Variants in DOCK5 observed in about 807,000 individuals in gnomAD.
DOCK5 encodes dedicator of cytokinesis protein 5.
Under a neutral mutation model 251.8 loss-of-function variants are expected in DOCK5, and 142 were observed. The observed-to-expected ratio is 0.56, with a 90% CI of 0.49 to 0.65. The LOEUF is 0.65. Ranked by LOEUF, DOCK5 falls within the 30% of genes least tolerant of loss-of-function variation. The pLI is 0.00. For missense variants in DOCK5, 2,111 were observed against 2,312.3 expected (o/e 0.91, Z 1.79); for synonymous variants, 842 against 835.5 (o/e 1.01, Z -0.13).
At chr8:25,244,821 G>A (rs991572241) in intron 2 of DOCK5, among the ~76,000 whole-genome samples, 3 of 152,150 alleles carry the variant, frequency 2.0e-5, no homozygotes, top group African/African-American at 7.2e-5. Context: ...AGAGGGCTGG[G>A]GTTTCACATT....
intron 28 of DOCK5, 114 bp downstream of exon 28, chr8:25,359,175 C>A (rs549636064): frequency 6.1e-6 from 5 of 825,334 alleles, no homozygotes; most frequent in Non-Finnish European, 1.0e-5. Context: ...ACCTCCGGTG[C>A]TATGTGGCTG....
chr8:25,401,788 C>G (rs1326895425), intron 47 of DOCK5, among the ~76,000 whole-genome samples: 1 of 152,146 alleles, frequency 6.6e-6, no homozygotes, highest in Non-Finnish European at 1.5e-5. Flanking sequence ...ATCCTAGACA[C>G]TGGTTATTCT....
intron 16 of DOCK5, among the ~76,000 whole-genome samples, chr8:25,322,411 A>G (rs964021632): frequency 1.3e-5 from 2 of 152,234 alleles, no homozygotes; most frequent in South Asian, 4.1e-4. Flanking sequence ...GTGAAGGGTG[A>G]TGGGAGAAGT....
Position 25,395,723 on chromosome 8 carries a change from C to T in DOCK5, c.4704+4C>T, listed in dbSNP as rs3763517. 527 of 1,612,678 alleles carry T rather than the reference C, an allele frequency of 3.3e-4. 1 individual carries two copies. In the East Asian group the frequency reaches 8.6e-3, roughly 26 times the overall value. ...GGGCTTCTCCAACTATGAAAAGGTT[C>T]GCTTGGTCCCAGAATCCCCTAGGGA... On this transcript the variant is annotated splice_donor_region_variant and intron_variant, in intron 45 of 51. Coordinates refer to ENST00000276440, the MANE Select transcript of DOCK5 (RefSeq NM_024940.8).
chr8:25,409,927 C>T (rs1043341040), intron 50 of DOCK5, 172 bp from the exon 51 acceptor site: 6 of 582,380 alleles, frequency 1.0e-5, no homozygotes, highest in Non-Finnish European at 1.8e-5. Flanking sequence ...AGGGCGTCAC[C>T]TGTGTGATGT....
chr8:25,391,967 A>T lies in DOCK5; in HGVS notation c.4427A>T (p.Asp1476Val). 1 of 1,613,786 alleles carries T rather than the reference A, an allele frequency of 6.2e-7. No individual in the cohort carries two copies. Among genetic ancestry groups the T allele is most frequent in the Non-Finnish European group, 8.5e-7 (1 of 1,179,796 alleles). Residue 1476 changes from aspartate (D) to valine (V), a missense_variant, in exon 43 of 52, where the codon GAC becomes GTC. Asp to Val is a radical substitution (Grantham distance 152). Around this residue, in one of 3 missense-constraint regions of DOCK5, gnomAD observed 1,717 missense variants for 1,892.4 expected, o/e 0.91. Coordinates refer to ENST00000276440, the MANE Select transcript of DOCK5 (RefSeq NM_024940.8). ...RPFRKGEKDPDNEFATMWIER... is the reference protein window; with the variant it reads ...RPFRKGEKDPVNEFATMWIER... ...TTCCGGAAAGGAGAAAAGGATCCAG[A>T]CAATGAATTTGCTGTGAGTTCACCC...
rs572161814 is a variant in DOCK5, at chr8:25,254,558, G to A, written c.127+10801G>A. ...TGGGAGGCCGAGGTGGGCAGATCACGAGGTCAAGAGATAGAGACCATCCTG... is the reference window on the plus strand; with the variant it reads ...TGGGAGGCCGAGGTGGGCAGATCACAAGGTCAAGAGATAGAGACCATCCTG... On this transcript the variant is annotated intron_variant, in intron 2 of 51. Coordinates refer to ENST00000276440, the MANE Select transcript of DOCK5 (RefSeq NM_024940.8). Among the ~76,000 whole-genome samples the A allele has an allele frequency of 2.6e-3, 398 of 151,806 alleles. 3 individuals carry two copies. Among genetic ancestry groups the A allele is most frequent in the African/African-American group, 9.1e-3 (375 of 41,408 alleles).
At chr8:25,293,558 G>T (rs898227637) in intron 6 of DOCK5, among the ~76,000 whole-genome samples, 2 of 152,170 alleles carry the variant, frequency 1.3e-5, no homozygotes, top group African/African-American at 4.8e-5. Context: ...AATGGGAAAG[G>T]TTAAATTTGA....
chr8:25,397,492 AT>A (rs1801366638), intron 45 of DOCK5, among the ~76,000 whole-genome samples: 1 of 152,196 alleles, frequency 6.6e-6, no homozygotes, highest in African/African-American at 2.4e-5. Flanking sequence ...CTGTAGCCTT[AT>A]TATACTCAGC....
intron 3 of DOCK5, among the ~76,000 whole-genome samples, chr8:25,269,207 C>T (rs543866755): frequency 2.0e-4 from 30 of 152,318 alleles, no homozygotes; most frequent in Middle Eastern, 6.8e-3. Flanking sequence ...GGGGTGGACC[C>T]ACCCTTCTCC....
intron 13 of DOCK5, among the ~76,000 whole-genome samples, chr8:25,313,370 T>C (rs557475030): frequency 2.6e-5 from 4 of 152,294 alleles, no homozygotes; most frequent in Non-Finnish European, 5.9e-5. Context: ...TTTTCTAGCC[T>C]AGCGATCAAC....
At chr8:25,390,583 G>A (rs1801240075) in intron 42 of DOCK5, among the ~76,000 whole-genome samples, 1 of 152,184 alleles carries the variant, frequency 6.6e-6, no homozygotes, top group Non-Finnish European at 1.5e-5. Context: ...ACAAAGGGAT[G>A]TGGGGGTTTT....
rs571386526 is a variant in DOCK5, at chr8:25,189,682, A to C, written c.43+4731A>C. 7.2e-5 allele frequency among the ~76,000 whole-genome samples: 11 copies of C among 152,072 alleles called. No homozygotes were observed. The East Asian group carries it at 2.1e-3, about 30-fold the overall frequency. On this transcript the variant is annotated intron_variant, in intron 1 of 51. Transcript: ENST00000276440. ...AGCCTTATTCTTTGAAAAGTAGCTCATTGTTGCATGTTGGGATTTGTGATC... is the reference window on the plus strand; with the variant it reads ...AGCCTTATTCTTTGAAAAGTAGCTCCTTGTTGCATGTTGGGATTTGTGATC...
chr8:25,352,597 G>A (rs1390591772), intron 27 of DOCK5, among the ~76,000 whole-genome samples: 1 of 152,164 alleles, frequency 6.6e-6, no homozygotes, highest in Non-Finnish European at 1.5e-5. Context: ...ATTTTAATTA[G>A]AGGACATAGG....
intron 36 of DOCK5, among the ~76,000 whole-genome samples, 171 bp from the exon 37 acceptor site, chr8:25,374,393 G>A (rs761523857): frequency 6.6e-6 from 1 of 152,130 alleles, no homozygotes; most frequent in South Asian, 2.1e-4. Context: ...TACTTAGGAG[G>A]CTAAGGTGGG....
rs1236544885 is a variant in DOCK5 at position 25,292,141 on chromosome 8, A to C, written c.439A>C (p.Lys147Gln). 6.3e-7 allele frequency: 1 copy of C among 1,583,414 alleles called. No homozygotes were observed. Among genetic ancestry groups the C allele is most frequent in the Non-Finnish European group, 8.6e-7 (1 of 1,165,858 alleles). Residue 147 changes from lysine (K) to glutamine (Q), a missense_variant, in exon 6 of 52, where the codon AAA becomes CAA. By Grantham distance (53) the Lys-to-Gln change is moderately conservative. Around this residue, in one of 3 missense-constraint regions of DOCK5, gnomAD observed 335 missense variants for 324.9 expected, o/e 1.03. Coordinates refer to ENST00000276440, the MANE Select transcript of DOCK5 (RefSeq NM_024940.8). ...GGATGAACTGGCAGAGCTCAAGAAG[A>C]AAGTCACAGCCAAAATTGATCATGG... ...PKDELAELKK[K>Q]VTAKIDHGNR...
chr8:25,339,642 C>T (rs1396121252), intron 22 of DOCK5, among the ~76,000 whole-genome samples: 1 of 152,116 alleles, frequency 6.6e-6, no homozygotes, highest in Non-Finnish European at 1.5e-5. Flanking sequence ...AGGACCTGCC[C>T]CAGGCAGGGA....
intron 9 of DOCK5, among the ~76,000 whole-genome samples, chr8:25,301,717 TACAA>T (rs1804769222): frequency 7.0e-6 from 1 of 142,974 alleles, no homozygotes; most frequent in African/African-American, 2.6e-5. Context: ...AAAAAAAAAA[TACAA>T]ACAAGTGTAG....
chr8:25,392,097 A>T, intron 43 of DOCK5, 117 bp downstream of exon 43: 1 of 928,370 alleles, frequency 1.1e-6, no homozygotes, highest in Non-Finnish European at 1.6e-6. Context: ...AAGTCAAGAG[A>T]TCGAGACCAT....
Sources: allele counts gnomAD v4.1 joint callset (sites outside exome capture counted in the v4.1 genomes callset), GRCh38; gene constraint gnomAD v4.1.1; regional missense constraint gnomAD v4.1.1; transcripts MANE v1.5; gene names NCBI Gene and HGNC (gene_info 2026-07-23, HGNC 2026-07-21).